The following SEMA5A variants were observed in gnomAD, a reference collection of about 807,000 sequenced individuals.
SEMA5A encodes semaphorin 5A.
Under a neutral mutation model 135.5 loss-of-function variants are expected in SEMA5A, and 55 were observed. That is an observed-to-expected ratio of 0.41 (90% confidence interval 0.33 to 0.51). The LOEUF is 0.51. Ranked by LOEUF, SEMA5A falls within the 20% of genes least tolerant of loss-of-function variation. The pLI is 0.37. For synonymous variants in SEMA5A, 580 were observed against 546.5 expected, an observed-to-expected ratio of 1.06 and a Z score of -0.85; for missense variants, 1,290 against 1,419.9, an observed-to-expected ratio of 0.91 and a Z score of 1.47.
intron 8 of SEMA5A, among the ~76,000 whole-genome samples, chr5:9,223,852 C>T (rs777357303): frequency 2.6e-4 from 40 of 152,124 alleles, no homozygotes; most frequent in Admixed American, 6.5e-5. Context: ...TTGTACACAG[C>T]GAACCTCAAT....
At chr5:9,436,014 T>C (rs1758016579) in intron 2 of SEMA5A, among the ~76,000 whole-genome samples, 1 of 152,204 alleles carries the variant, frequency 6.6e-6, no homozygotes, top group South Asian at 2.1e-4. Flanking sequence ...CAGTTTTCTG[T>C]AAAGGTTAAG....
At position 9,318,398 on chromosome 5, in the gene SEMA5A, G is replaced by C; in HGVS notation, c.244C>G (p.Gln82Glu). 1 of 1,612,496 alleles carries C rather than the reference G, an allele frequency of 6.2e-7. No individual in the cohort carries two copies. Among genetic ancestry groups the C allele is most frequent in the South Asian group, 1.1e-5 (1 of 90,618 alleles). ...TGGATAAGAGACAGATCCTCAAGCT[G>C]TAACCTGAAGAGGTAGTTTCTGCAA... Reference protein sequence around the residue: ...VGARNYLFRLQLEDLSLIQAV... With the variant: ...VGARNYLFRLELEDLSLIQAV... Residue 82 changes from glutamine (Q) to glutamate (E), a missense_variant, in exon 5 of 23, where the codon CAG (glutamine) becomes GAG (glutamate). This residue lies in a region of SEMA5A where 116 missense variants were observed against 121.3 expected (regional missense o/e 0.96). Coordinates refer to ENST00000382496, the MANE Select transcript of SEMA5A (RefSeq NM_003966.3).
chr5:9,343,644 A>G (rs1753743788), intron 3 of SEMA5A, among the ~76,000 whole-genome samples: 2 of 152,146 alleles, frequency 1.3e-5, no homozygotes, highest in Non-Finnish European at 2.9e-5. Context: ...TACATAAACC[A>G]TCCTATCAAT....
At chr5:9,539,414 T>C (rs1407885744) in intron 1 of SEMA5A, among the ~76,000 whole-genome samples, 1 of 152,232 alleles carries the variant, frequency 6.6e-6, no homozygotes, top group African/African-American at 2.4e-5. Flanking sequence ...ATTAGTCTGA[T>C]CTTGGAAATA....
In SEMA5A at chr5:9,488,169, T is replaced by C. The variant is rs1278748480; in HGVS notation, c.-174-50317A>G. Among the ~76,000 whole-genome samples, 4 of 152,314 alleles carry C rather than the reference T, an allele frequency of 2.6e-5. No homozygotes were observed. In the East Asian group the frequency reaches 5.8e-4, roughly 22 times the overall value. On this transcript the variant is annotated intron_variant, in intron 1 of 22. Transcript: ENST00000382496. ...GTACTGAAGGAGCTGTTGAACATTC[T>C]ACTAAACGCTTGCCTGTGAGGCTAT...
At chr5:9,280,633 C>T (rs1750494804) in intron 5 of SEMA5A, among the ~76,000 whole-genome samples, 1 of 152,162 alleles carries the variant, frequency 6.6e-6, no homozygotes, top group African/African-American at 2.4e-5. Flanking sequence ...ATGCAGTGTT[C>T]AATACTTCAG....
At position 9,148,673 on chromosome 5, in the gene SEMA5A, T is replaced by C. The variant is rs138653588; in HGVS notation, c.1481+5815A>G. Among the ~76,000 whole-genome samples, 541 of 152,224 alleles carry C rather than the reference T, an allele frequency of 3.6e-3. 3 individuals carry two copies. The highest frequency in any genetic ancestry group is 0.013 in the African/African-American group (522 of 41,540). The stretch of plus-strand genomic sequence containing the variant: ...ACAGCATGGAACGGGCTCCTGAGAG[T>C]ACAGTGCCTTAGTCCTCCTGCTGCA... On this transcript the variant is annotated intron_variant, in intron 12 of 22. Transcript: ENST00000382496.
chr5:9,237,118 C>T (rs754273963), intron 6 of SEMA5A, among the ~76,000 whole-genome samples: 1 of 152,052 alleles, frequency 6.6e-6, no homozygotes, highest in Non-Finnish European at 1.5e-5. Context: ...GTCTGTGCTC[C>T]AATATAAAGT....
chr5:9,473,552 A>G (rs1156740974), intron 1 of SEMA5A, among the ~76,000 whole-genome samples: 1 of 151,966 alleles, frequency 6.6e-6, no homozygotes, highest in East Asian at 1.9e-4. Context: ...ATTCAGGCCA[A>G]ACCTAGGGCT....
chr5:9,412,017 T>A (rs1283331167), intron 2 of SEMA5A, among the ~76,000 whole-genome samples: 1 of 152,202 alleles, frequency 6.6e-6, no homozygotes, highest in Non-Finnish European at 1.5e-5. Context: ...TATCCCATCA[T>A]GATTATAAAA....
At chr5:9,279,238 A>G (rs2150560018) in intron 5 of SEMA5A, among the ~76,000 whole-genome samples, 1 of 152,322 alleles carries the variant, frequency 6.6e-6, no homozygotes, top group Middle Eastern at 3.4e-3. Context: ...TGGAGCTTTA[A>G]GATTGAATGA....
intron 19 of SEMA5A, 156 bp downstream of exon 19, chr5:9,053,931 G>C: frequency 1.3e-6 from 1 of 742,896 alleles, no homozygotes; most frequent in East Asian, 2.8e-5. Flanking sequence ...TAGATGCTAT[G>C]TTTTAAAGTC....
intron 2 of SEMA5A, among the ~76,000 whole-genome samples, chr5:9,391,703 G>T (rs979418694): frequency 6.6e-6 from 1 of 152,116 alleles, no homozygotes; most frequent in African/African-American, 2.4e-5. Context: ...CTCTCACCTG[G>T]ATTTAGCAGA....
chr5:9,307,330 A>G lies in SEMA5A; in HGVS notation c.270+11042T>C, dbSNP rs563201312. ...GGATTGTTTGTCAAACATATGTTAA[A>G]CAAGGGTGTTGTCCATTGCAGCCCT... On this transcript the variant is annotated intron_variant, in intron 5 of 22. Coordinates refer to ENST00000382496, the MANE Select transcript of SEMA5A (RefSeq NM_003966.3). Among the ~76,000 whole-genome samples the G allele has an allele frequency of 3.3e-5, 5 of 152,312 alleles. No homozygotes were observed. The South Asian group carries it at 1.0e-3, about 32-fold the overall frequency.
intron 13 of SEMA5A, among the ~76,000 whole-genome samples, chr5:9,131,009 T>C (rs767262764): frequency 6.6e-6 from 1 of 152,206 alleles, no homozygotes; most frequent in Non-Finnish European, 1.5e-5. Flanking sequence ...AGACCCTAAC[T>C]ACATAATGGC....
chr5:9,122,557 C>T, intron 14 of SEMA5A, 99 bp downstream of exon 14: 1 of 1,219,030 alleles, frequency 8.2e-7, no homozygotes, highest in Non-Finnish European at 1.1e-6. Context: ...CACCACAGTT[C>T]TCTCCAAAAG....
intron 4 of SEMA5A, among the ~76,000 whole-genome samples, chr5:9,325,430 C>T (rs946527743): frequency 6.6e-6 from 1 of 152,172 alleles, no homozygotes; most frequent in Non-Finnish European, 1.5e-5. Context: ...TCTTCGTTTC[C>T]CCACTAGACA....
intron 11 of SEMA5A, among the ~76,000 whole-genome samples, chr5:9,185,761 G>C (rs1560999255): frequency 6.6e-6 from 1 of 152,128 alleles, no homozygotes; most frequent in Non-Finnish European, 1.5e-5. Context: ...GAGTTAAAGT[G>C]AAAATAAAAA....
chr5:9,134,164 G>A (rs559264091), intron 13 of SEMA5A, among the ~76,000 whole-genome samples: 1 of 152,104 alleles, frequency 6.6e-6, no homozygotes, highest in African/African-American at 2.4e-5. Flanking sequence ...ACCGGTCTAG[G>A]TATTTCTTCA....
Sources: allele counts gnomAD v4.1 joint callset (sites outside exome capture counted in the v4.1 genomes callset), GRCh38; gene constraint gnomAD v4.1.1; regional missense constraint gnomAD v4.1.1; transcripts MANE v1.5; gene names NCBI Gene and HGNC (gene_info 2026-07-23, HGNC 2026-07-21).